ASNS: variants seen among roughly 807,000 people sequenced by gnomAD.
The protein encoded by ASNS is asparagine synthetase (glutamine-hydrolyzing), also known as asparagine synthetase [glutamine-hydrolyzing].
Under a neutral mutation model 62.6 loss-of-function variants are expected in ASNS, and 37 were observed. That is an observed-to-expected ratio of 0.59 (90% CI 0.45 to 0.78). ASNS has a LOEUF of 0.78. ASNS is among the 30% of genes least tolerant of loss of function. The pLI is 0.00. For synonymous variants in ASNS, 207 were observed against 237.9 expected, an observed-to-expected ratio of 0.87 and a Z score of 1.19; for missense variants, 520 against 682.4, an observed-to-expected ratio of 0.76 and a Z score of 2.65.
At chr7:97,897,840 T>C in the ASNS span, among the ~76,000 whole-genome samples, 1 of 152,198 alleles carries the variant, frequency 6.6e-6, no homozygotes, top group Admixed American at 6.5e-5. Flanking sequence ...ATAGCCAAGA[T>C]ATGGAATCAA....
rs191470575 is a variant in ASNS, at chr7:97,861,867, C to G, written c.487+2392G>C. Among the ~76,000 whole-genome samples the G allele has an allele frequency of 2.0e-5, 3 of 152,266 alleles. No individual in the cohort carries two copies. The East Asian group carries it at 5.8e-4, about 29-fold the overall frequency. On this transcript the variant is annotated intron_variant, in intron 4 of 12. Coordinates refer to ENST00000394308, the MANE Select transcript of ASNS (RefSeq NM_001673.5). ...ACAACATTTTATAGTTTTCAGAGTA[C>G]AAGTTTTACACTTCTTAAATTTATT...
At chr7:97,857,245 T>C (rs1791486697) in intron 7 of ASNS, among the ~76,000 whole-genome samples, 1 of 152,188 alleles carries the variant, frequency 6.6e-6, no homozygotes, top group South Asian at 2.1e-4. Context: ...TCCTTGGCTA[T>C]TTTGGATTCT....
At chr7:97,889,927 CA>C in the ASNS span, among the ~76,000 whole-genome samples, 12,486 of 38,546 alleles carry the variant, frequency 0.32, 635 homozygotes, top group South Asian at 0.42. Context: ...ATAATGAATA[CA>C]AAAAAAAAAA....
the ASNS span, among the ~76,000 whole-genome samples, chr7:97,916,120 C>T: frequency 3.3e-5 from 5 of 152,090 alleles, no homozygotes; most frequent in East Asian, 1.9e-4. Context: ...TGGTGGCTCA[C>T]GCCTGTAATC....
the ASNS span, among the ~76,000 whole-genome samples, chr7:97,900,381 A>AAAC: frequency 2.0e-5 from 3 of 151,308 alleles, no homozygotes; most frequent in Non-Finnish European, 4.4e-5. Context: ...AAAAAAAAAA[A>AAAC]AAACAGAAAA....
intron 10 of ASNS, 23 bp from the exon 11 acceptor site, chr7:97,853,409 T>G: frequency 6.2e-7 from 1 of 1,600,552 alleles, no homozygotes; most frequent in Non-Finnish European, 8.5e-7. Flanking sequence ...AAGAAGAAAA[T>G]CTAAATTAAA....
At chr7:97,868,270 T>G (rs1276051318) in intron 3 of ASNS, among the ~76,000 whole-genome samples, 2 of 152,168 alleles carry the variant, frequency 1.3e-5, no homozygotes, top group East Asian at 1.9e-4. Flanking sequence ...ATCGCACCAC[T>G]GCACTCCAGC....
intron 3 of ASNS, among the ~76,000 whole-genome samples, chr7:97,867,681 A>G (rs571721315): frequency 7.9e-5 from 12 of 152,356 alleles, no homozygotes; most frequent in African/African-American, 2.6e-4. Flanking sequence ...CTAGCAGGAA[A>G]TTCCATTCTT....
chr7:97,861,450 C>A (rs1269599702), intron 4 of ASNS, among the ~76,000 whole-genome samples: 1 of 152,200 alleles, frequency 6.6e-6, no homozygotes, highest in Non-Finnish European at 1.5e-5. Context: ...ATCTTGGCAC[C>A]CTTGTCAAAA....
chr7:97,860,256 G>C (rs1273567905), intron 4 of ASNS, among the ~76,000 whole-genome samples: 1 of 152,210 alleles, frequency 6.6e-6, no homozygotes, highest in Non-Finnish European at 1.5e-5. Context: ...ATGAGATTTT[G>C]ACAGGTTATT....
intron 4 of ASNS, among the ~76,000 whole-genome samples, chr7:97,862,897 G>A (rs115554530): frequency 0.013 from 1,985 of 152,158 alleles, 39 homozygotes; most frequent in African/African-American, 0.045. Context: ...CATAAGATAA[G>A]ATGCTGGACA....
At chr7:97,913,540 C>T in the ASNS span, among the ~76,000 whole-genome samples, 4 of 152,026 alleles carry the variant, frequency 2.6e-5, no homozygotes, top group South Asian at 2.1e-4. Context: ...TATTGAGTGT[C>T]GATGATGCAC....
At chr7:97,922,978 G>A in the ASNS span, among the ~76,000 whole-genome samples, 1 of 147,146 alleles carries the variant, frequency 6.8e-6, no homozygotes, top group Non-Finnish European at 1.5e-5. Flanking sequence ...TTTTAGTAGA[G>A]ACAGTTCCGC....
chr7:97,925,786 A>T, the ASNS span, among the ~76,000 whole-genome samples: 1 of 152,158 alleles, frequency 6.6e-6, no homozygotes, highest in Non-Finnish European at 1.5e-5. Context: ...GTTCTGCCTG[A>T]CAACCCAGAA....
chr7:97,854,753 T>C, intron 9 of ASNS, 73 bp from the exon 10 acceptor site: 1 of 1,602,976 alleles, frequency 6.2e-7, no homozygotes, highest in South Asian at 1.1e-5. Flanking sequence ...CCCTCTCCAA[T>C]CCTAAAGGTG....
chr7:97,856,853 G>A (rs1791464530), intron 7 of ASNS, 37 bp from the exon 8 acceptor site: 4 of 1,538,174 alleles, frequency 2.6e-6, no homozygotes, highest in Non-Finnish European at 3.5e-6. Context: ...ACTTGTTAAA[G>A]AAAATAACTT....
At chr7:97,927,071 CT>C in the ASNS span, among the ~76,000 whole-genome samples, 821 of 40,284 alleles carry the variant, frequency 0.02, 4 homozygotes, top group African/African-American at 0.04. Context: ...CCACACCTGG[CT>C]TTTTTTTTTT....
chr7:97,912,367 T>C, the ASNS span, among the ~76,000 whole-genome samples: 4 of 152,090 alleles, frequency 2.6e-5, no homozygotes, highest in African/African-American at 9.7e-5. Flanking sequence ...TTTGTTTGTT[T>C]GCTTCTTGTT....
At chr7:97,906,803 G>A in the ASNS span, 2 of 152,060 alleles carry the variant, frequency 1.3e-5, no homozygotes, top group Non-Finnish European at 2.9e-5. Context: ...CCAGCAAGCT[G>A]GAGACCCAGG....
Sources: allele counts gnomAD v4.1 joint callset (sites outside exome capture counted in the v4.1 genomes callset), GRCh38; gene constraint gnomAD v4.1.1; transcripts MANE v1.5; gene names NCBI Gene and HGNC (gene_info 2026-07-23, HGNC 2026-07-21).